The following CNGA1 variants were observed in gnomAD, a reference collection of about 807,000 sequenced individuals.
CNGA1 encodes cyclic nucleotide-gated channel alpha-1.
Under a neutral mutation model 69.7 loss-of-function variants are expected in CNGA1, and 53 were observed. The ratio of observed to expected loss-of-function variants is 0.76; its 90% CI spans 0.61 to 0.96. The LOEUF (loss-of-function observed/expected upper bound fraction) is 0.96. Among genes scored for constraint, CNGA1 ranks in the 40% least tolerant of loss-of-function variants. The pLI is 0.00. For missense variants in CNGA1, 739 were observed against 811.2 expected (o/e 0.91, Z 1.08); for synonymous variants, 249 against 283.5 (o/e 0.88, Z 1.22).
intron 10 of CNGA1, among the ~76,000 whole-genome samples, chr4:47,939,791 T>C (rs1228941954): frequency 6.6e-6 from 1 of 152,202 alleles, no homozygotes; most frequent in Non-Finnish European, 1.5e-5. Flanking sequence ...AATGGGTTGT[T>C]GTTTTTTTTC....
At chr4:47,994,436 C>T (rs562508634) in intron 2 of CNGA1, among the ~76,000 whole-genome samples, 1 of 152,232 alleles carries the variant, frequency 6.6e-6, no homozygotes, top group East Asian at 1.9e-4. Flanking sequence ...TAATGTTCCT[C>T]TTTGTCTTTT....
intron 2 of CNGA1, among the ~76,000 whole-genome samples, chr4:47,995,992 T>C (rs1742460426): frequency 6.6e-6 from 1 of 152,186 alleles, no homozygotes; most frequent in South Asian, 2.1e-4. Flanking sequence ...TCCTGTTACA[T>C]AAACCATCTG....
At chr4:48,007,157 C>G (rs1241144194) in intron 2 of CNGA1, among the ~76,000 whole-genome samples, 1 of 151,782 alleles carries the variant, frequency 6.6e-6, no homozygotes, top group Non-Finnish European at 1.5e-5. Context: ...ATTTGTTTTT[C>G]AAAATTTTAT....
chr4:47,952,523 T>C (rs1739806834), intron 4 of CNGA1, 60 bp downstream of exon 4: 3 of 1,552,962 alleles, frequency 1.9e-6, no homozygotes, highest in Non-Finnish European at 2.7e-6. Context: ...AAATTAAATC[T>C]AGTTAAATTA....
intron 3 of CNGA1, among the ~76,000 whole-genome samples, chr4:47,962,359 A>T (rs1235324954): frequency 6.9e-6 from 1 of 145,876 alleles, no homozygotes; most frequent in Non-Finnish European, 1.5e-5. Flanking sequence ...AAAAAAAAAA[A>T]TTGATTACAT....
chr4:47,982,213 C>T (rs1233277810), intron 2 of CNGA1, among the ~76,000 whole-genome samples: 1 of 152,304 alleles, frequency 6.6e-6, no homozygotes, highest in African/African-American at 2.4e-5. Context: ...ATCAGAATGA[C>T]ATGAAATAAA....
intron 3 of CNGA1, among the ~76,000 whole-genome samples, chr4:47,971,561 C>T (rs892703877): frequency 6.6e-6 from 1 of 151,890 alleles, no homozygotes; most frequent in Non-Finnish European, 1.5e-5. Context: ...CCTTTTATGG[C>T]ATGTGAAAAA....
intron 2 of CNGA1, among the ~76,000 whole-genome samples, chr4:47,988,966 T>C (rs1742114324): frequency 6.7e-6 from 1 of 149,630 alleles, no homozygotes; most frequent in Admixed American, 6.7e-5. Flanking sequence ...AAGAAAATGC[T>C]ATTGTTCTTA....
intron 3 of CNGA1, among the ~76,000 whole-genome samples, chr4:47,963,819 A>C (rs887689659): frequency 1.3e-5 from 2 of 152,172 alleles, no homozygotes; most frequent in African/African-American, 2.4e-5. Context: ...ATGAAAGAAA[A>C]ATCATTTGAT....
At position 47,948,604 on chromosome 4, in the gene CNGA1, CCCT is replaced by C. The variant is rs551769612; in HGVS notation, c.287+1226_287+1228del. Among the ~76,000 whole-genome samples the C allele has an allele frequency of 3.6e-3, 550 of 152,244 alleles. 3 individuals are homozygous for C. The highest frequency in any genetic ancestry group is 5.2e-3 in the Non-Finnish European group (354 of 68,030). ...CGGCTACTCCCCAGCCACTTTGGTC[CCCT>C]CATGCCCAACAGGCAAGGAAGAGAG... On this transcript the variant is annotated intron_variant, in intron 6 of 10. Coordinates refer to ENST00000514170, the MANE Select transcript of CNGA1 (RefSeq NM_001379270.1).
chr4:48,003,306 GCAAT>G (rs2109348252), intron 2 of CNGA1, among the ~76,000 whole-genome samples: 1 of 152,312 alleles, frequency 6.6e-6, no homozygotes, highest in African/African-American at 2.4e-5. Flanking sequence ...TCCAAAGGAG[GCAAT>G]CAGATATGCA....
At chr4:47,954,956 AC>A (rs1376688346) in intron 3 of CNGA1, among the ~76,000 whole-genome samples, 1 of 152,156 alleles carries the variant, frequency 6.6e-6, no homozygotes, top group Non-Finnish European at 1.5e-5. Context: ...AAAGGTACTC[AC>A]CGATATAGCT....
At chr4:47,985,803 C>T (rs1221710329) in intron 2 of CNGA1, among the ~76,000 whole-genome samples, 2 of 151,144 alleles carry the variant, frequency 1.3e-5, no homozygotes, top group Non-Finnish European at 2.9e-5. Flanking sequence ...CTAAATATTA[C>T]GGATTCCTGG....
chr4:47,943,912 A>T (rs1354943943), intron 6 of CNGA1, among the ~76,000 whole-genome samples: 1 of 152,172 alleles, frequency 6.6e-6, no homozygotes, highest in Non-Finnish European at 1.5e-5. Flanking sequence ...CAGTTATTAG[A>T]ATAATTTACC....
At chr4:47,955,965 C>T (rs554712513) in intron 3 of CNGA1, among the ~76,000 whole-genome samples, 6 of 152,286 alleles carry the variant, frequency 3.9e-5, no homozygotes, top group East Asian at 1.9e-4. Flanking sequence ...AAATTTACAA[C>T]GACTTTGAAA....
intron 3 of CNGA1, among the ~76,000 whole-genome samples, chr4:47,975,006 A>G (rs188579929): frequency 3.0e-3 from 455 of 152,286 alleles, no homozygotes; most frequent in Non-Finnish European, 5.0e-3. Context: ...GGCAATATTG[A>G]ATGCTGTTTG....
At position 47,937,501 on chromosome 4, in the gene CNGA1, T is replaced by G; in HGVS notation, c.981A>C (p.Thr327=). Reference sequence around the variant, plus strand: ...GATCATTAATATCAGGGTAGACCCATGTATCATTTCCAAATCCAATAGCTT... The same window carrying G: ...GATCATTAATATCAGGGTAGACCCAGGTATCATTTCCAAATCCAATAGCTT... ...ISKAIGFGND[T]WVYPDINDPE... Residue 327 remains threonine (T), a synonymous_variant, in exon 11 of 11, where the codon ACA becomes ACC. Coordinates refer to ENST00000514170, the MANE Select transcript of CNGA1 (RefSeq NM_001379270.1). 6.2e-7 allele frequency: 1 copy of G among 1,614,208 alleles called. No individual in the cohort carries two copies. The highest frequency in any genetic ancestry group is 8.5e-7 in the Non-Finnish European group (1 of 1,180,030).
At chr4:47,979,007 G>A (rs1383694923) in intron 3 of CNGA1, among the ~76,000 whole-genome samples, 1 of 152,042 alleles carries the variant, frequency 6.6e-6, no homozygotes, top group Non-Finnish European at 1.5e-5. Flanking sequence ...CTATCAAGTA[G>A]CTATATTAGC....
intron 10 of CNGA1, among the ~76,000 whole-genome samples, chr4:47,938,255 A>G (rs1358444884): frequency 6.6e-6 from 1 of 152,090 alleles, no homozygotes; most frequent in Non-Finnish European, 1.5e-5. Context: ...CTCAAGGTCT[A>G]TCATCACCAT....
Sources: allele counts gnomAD v4.1 joint callset (sites outside exome capture counted in the v4.1 genomes callset), GRCh38; gene constraint gnomAD v4.1.1; transcripts MANE v1.5; gene names NCBI Gene and HGNC (gene_info 2026-07-23, HGNC 2026-07-21).